Variants in ETNPPL observed in about 807,000 individuals in gnomAD.
ETNPPL encodes the protein alanine--glyoxylate aminotransferase 2-like 1.
ETNPPL carries 30 observed loss-of-function variants against 55.5 expected under a neutral mutation model. That is an observed-to-expected ratio of 0.54 (90% confidence interval 0.40 to 0.73). The LOEUF is 0.73. ETNPPL is among the 30% of genes least tolerant of loss of function. The pLI, the probability that ETNPPL is intolerant of heterozygous loss-of-function variation, is 0.00. For synonymous variants in ETNPPL, 202 were observed against 207.2 expected (o/e 0.98, Z 0.21); for missense variants, 528 against 607.9 (o/e 0.87, Z 1.38).
chr4:108,750,359 C>A (rs1011255290), intron 7 of ETNPPL, among the ~76,000 whole-genome samples: 1 of 151,878 alleles, frequency 6.6e-6, no homozygotes, highest in Non-Finnish European at 1.5e-5. Flanking sequence ...TTCTCCCATG[C>A]TGGATGCTTC....
At position 108,752,905 on chromosome 4, in the gene ETNPPL, C is replaced by T; in HGVS notation, c.608G>A (p.Ser203Asn). The change falls in exon 6 of 13, where the codon AGT (serine) becomes AAT (asparagine). Residue 203 changes from serine to asparagine, a missense_variant. Transcript: ENST00000296486. ...VKKIIEDAHN[S>N]GRKIAAFIAE... is the part of the protein sequence containing the mutation. Reference sequence around the variant, plus strand: ...GCTATAAATACAAACCTTCCTTCCACTGTTATGAGCATCTTCAATGATTTT... The same window carrying T: ...GCTATAAATACAAACCTTCCTTCCATTGTTATGAGCATCTTCAATGATTTT... 6.3e-7 allele frequency: 1 copy of T among 1,585,382 alleles called. No homozygotes were observed. Among genetic ancestry groups the T allele is most frequent in the African/African-American group, 1.3e-5 (1 of 74,206 alleles).
In ETNPPL at chr4:108,756,026, C is replaced by T. The variant is rs180957819; in HGVS notation, c.410+392G>A. ...TTGTTATCTTTAAAATTAGTGACTG[C>T]GAATAATCACAATAGTGAAGTGAAT... On this transcript the variant is annotated intron_variant, in intron 4 of 12. Coordinates refer to ENST00000296486, the MANE Select transcript of ETNPPL (RefSeq NM_031279.4). 3.9e-5 allele frequency among the ~76,000 whole-genome samples: 6 copies of T among 152,190 alleles called. No individual in the cohort carries two copies. In the East Asian group the frequency reaches 5.8e-4, roughly 15 times the overall value.
chr4:108,762,336 T>C, intron 1 of ETNPPL: 1 of 460,376 alleles, frequency 2.2e-6, no homozygotes, highest in Non-Finnish European at 4.3e-6. Flanking sequence ...TTCTATTGGC[T>C]AGATAAACCC....
rs112068127 is a variant in ETNPPL, at chr4:108,749,313, G to A, written c.852C>T (p.His284=). ...TGGTTGTTACCACACATGCCACCGG[G>A]TGGCCGTTGCCCATCGGTTTTCCCA... The part of the protein sequence containing the change: ...VTMGKPMGNG[H]PVACVVTTKE... The change falls in exon 8 of 13, where the codon CAC becomes CAT. Residue 284 remains histidine (H), a synonymous_variant. Transcript: ENST00000296486. 8.9e-4 allele frequency: 1,443 copies of A among 1,614,060 alleles called. 8 individuals carry two copies. In the African/African-American group the frequency reaches 0.017, roughly 19 times the overall value.
chr4:108,742,810 C>T (rs557786222), intron 12 of ETNPPL, among the ~76,000 whole-genome samples, 198 bp from the exon 13 acceptor site: 1 of 152,290 alleles, frequency 6.6e-6, no homozygotes, highest in South Asian at 2.1e-4. Context: ...TCCGGGACTC[C>T]GAGTCAACTT....
intron 9 of ETNPPL, among the ~76,000 whole-genome samples, chr4:108,747,160 TATATTA>T (rs1448699680): frequency 6.0e-5 from 1 of 16,738 alleles, no homozygotes; most frequent in African/African-American, 3.8e-4. Context: ...TATATATATA[TATATTA>T]TATATATATA....
chr4:108,744,048 G>T (rs1728346156), intron 11 of ETNPPL, among the ~76,000 whole-genome samples, 192 bp from the exon 12 acceptor site: 1 of 152,214 alleles, frequency 6.6e-6, no homozygotes, highest in African/African-American at 2.4e-5. Flanking sequence ...GGATCACAAG[G>T]TCAGGAGTTT....
At position 108,742,447 on chromosome 4, in the gene ETNPPL, C is replaced by A; in HGVS notation, c.*37G>T. 1 of 1,611,416 alleles carries A rather than the reference C, an allele frequency of 6.2e-7. No homozygotes were observed. Among genetic ancestry groups the A allele is most frequent in the Non-Finnish European group, 8.5e-7 (1 of 1,178,026 alleles). ...AGACACATCTACTCATTCTCTGTAA[C>A]TCTGGACATCGCATCTTGCTTTAAA... On this transcript the variant is annotated 3_prime_UTR_variant, in exon 13 of 13. Transcript: ENST00000296486.
chr4:108,754,462 A>T lies in ETNPPL; in HGVS notation c.501+158T>A, dbSNP rs375800898. 1.6e-4 allele frequency among the ~76,000 whole-genome samples: 24 copies of T among 152,310 alleles called. No individual in the cohort carries two copies. In the East Asian group the frequency reaches 4.6e-3, roughly 29 times the overall value. On this transcript the variant is annotated intron_variant, in intron 5 of 12. Transcript: ENST00000296486. ...AATAGATAAATAAATTTTAAATAAC[A>T]TTCTGTCATTATTTAGCCCTTTGAC...
intron 3 of ETNPPL, among the ~76,000 whole-genome samples, chr4:108,756,879 T>C (rs911483039): frequency 6.6e-6 from 1 of 152,136 alleles, no homozygotes; most frequent in East Asian, 1.9e-4. Flanking sequence ...AGTTGTAAGA[T>C]TACATTTATT....
chr4:108,743,175 C>A (rs900770608), intron 12 of ETNPPL, among the ~76,000 whole-genome samples: 1 of 152,172 alleles, frequency 6.6e-6, no homozygotes, highest in African/African-American at 2.4e-5. Context: ...AAACAAATAA[C>A]AAATTATGCA....
chr4:108,756,543 A>G, intron 3 of ETNPPL, 51 bp from the exon 4 acceptor site: 5 of 1,419,786 alleles, frequency 3.5e-6, no homozygotes, highest in Non-Finnish European at 5.0e-6. Context: ...TCTTTTTAAA[A>G]CATTTAGGAT....
chr4:108,755,576 G>C (rs556082081), intron 4 of ETNPPL, among the ~76,000 whole-genome samples: 7 of 152,146 alleles, frequency 4.6e-5, no homozygotes, highest in Non-Finnish European at 5.9e-5. Context: ...TAGCACTTTG[G>C]GGGGCTGAGG....
At chr4:108,746,888 T>A (rs1353872049) in intron 9 of ETNPPL, 37 bp from the exon 10 acceptor site, 19 of 1,420,436 alleles carry the variant, frequency 1.3e-5, no homozygotes, top group Non-Finnish European at 1.9e-5. Flanking sequence ...CCACAATCTG[T>A]CCAACTCTTC....
rs766768915 is a variant in ETNPPL at position 108,743,827 on chromosome 4, C to T, written c.1333G>A (p.Glu445Lys). Residue 445 changes from glutamate (E) to lysine (K), a missense_variant, in exon 12 of 13, where the codon GAA (glutamate) becomes AAA (lysine). By Grantham distance (56) the Glu-to-Lys change is moderately conservative. Transcript: ENST00000296486. ...GGAGTATTCTCAGAGGTCACACTTT[C>T]GGTTTTGGTTCCCATAGCTTCTTCT... The part of the protein sequence containing the change: ...VLEEAMGTKT[E>K]SVTSENTPCK... 13 of 1,611,782 alleles carry T rather than the reference C, an allele frequency of 8.1e-6. No homozygotes were observed. Among genetic ancestry groups the T allele is most frequent in the Admixed American group, 5.0e-5 (3 of 59,982 alleles).
chr4:108,747,226 A>T (rs868240711), intron 9 of ETNPPL, among the ~76,000 whole-genome samples: 1 of 14,734 alleles, frequency 6.8e-5, no homozygotes, highest in Non-Finnish European at 9.2e-5. Flanking sequence ...TATATATATT[A>T]TATATATATA....
intron 6 of ETNPPL, 46 bp from the exon 7 acceptor site, chr4:108,751,064 A>AC: frequency 2.2e-6 from 3 of 1,347,886 alleles, no homozygotes; most frequent in Non-Finnish European, 2.1e-6. Context: ...TCCCCCTACA[A>AC]CCCCCCTAAA....
chr4:108,759,554 T>A (rs992993693), intron 3 of ETNPPL, among the ~76,000 whole-genome samples, 195 bp downstream of exon 3: 6 of 152,190 alleles, frequency 3.9e-5, no homozygotes, highest in Non-Finnish European at 7.3e-5. Context: ...ATTTGATCAG[T>A]TAGATTCACA....
rs1430453841 is a variant in ETNPPL at position 108,762,947 on chromosome 4, C to T, written c.-49G>A. On this transcript the variant is annotated 5_prime_UTR_variant, in exon 1 of 13. Transcript: ENST00000296486. ...GAAGGTGCAAGGTGCAAGGTCTGCG[C>T]GCCTCCTACGCGAGCCTGGGACTGC... 6.3e-7 allele frequency: 1 copy of T among 1,575,106 alleles called. No homozygotes were observed. The highest frequency in any genetic ancestry group is 2.2e-5 in the East Asian group (1 of 44,538).
Sources: allele counts gnomAD v4.1 joint callset (sites outside exome capture counted in the v4.1 genomes callset), GRCh38; gene constraint gnomAD v4.1.1; transcripts MANE v1.5; gene names NCBI Gene and HGNC (gene_info 2026-07-23, HGNC 2026-07-21).